Variants in NR1D2 observed in about 807,000 individuals in gnomAD.
NR1D2 encodes the protein V-erbA-related protein 1-related.
A neutral mutation model predicts 52.2 loss-of-function variants in NR1D2; 25 were observed. The observed-to-expected ratio is 0.48, with a 90% CI of 0.35 to 0.67. The LOEUF is 0.67. Ranked by LOEUF, NR1D2 falls within the 30% of genes least tolerant of loss-of-function variation. NR1D2 has a pLI of 0.01. For missense variants in NR1D2, 681 were observed against 707.2 expected (o/e 0.96, Z 0.42); for synonymous variants, 259 against 230.1 (o/e 1.13, Z -1.14).
At position 23,977,931 on chromosome 3, in the gene NR1D2, T is replaced by C. The variant is rs930209256; in HGVS notation, c.*512T>C. The C allele has an allele frequency of 6.6e-6, 1 of 152,252 alleles. No individual in the cohort carries two copies. The highest frequency in any genetic ancestry group is 1.5e-5 in the Non-Finnish European group (1 of 68,074). 9.4% of individuals were successfully genotyped at this position (152,252 alleles called of 1,614,324 possible). Reference sequence around the variant, plus strand: ...CTAAAGTGTGTGGTCCTGGGTAGTTTACTTGCTTGCGGAAAATGAGAATTG... The same window carrying C: ...CTAAAGTGTGTGGTCCTGGGTAGTTCACTTGCTTGCGGAAAATGAGAATTG... On this transcript the variant is annotated 3_prime_UTR_variant, in exon 8 of 8. Coordinates refer to ENST00000312521, the MANE Select transcript of NR1D2 (RefSeq NM_005126.5).
In NR1D2 at chr3:23,954,552, A is replaced by G. The variant is rs750368358; in HGVS notation, c.32A>G (p.Tyr11Cys). 26 of 1,613,972 alleles carry G rather than the reference A, an allele frequency of 1.6e-5. No individual in the cohort carries two copies. The highest frequency in any genetic ancestry group is 9.9e-5 in the South Asian group (9 of 91,074). ...TATTTTCTAGGAGGTGTGATTGCCT[A>G]TATCAGTTCTTCCAGCTCAGCCTCA... MEVNAGGVIA[Y>C]ISSSSSASSP... The change falls in exon 2 of 8, where the codon TAT (tyrosine) becomes TGT (cysteine). Residue 11 changes from tyrosine to cysteine, a missense_variant. Transcript: ENST00000312521.
rs753281759 is a variant in NR1D2, at chr3:23,977,280, G to A, written c.1601G>A (p.Arg534His). The change falls in exon 8 of 8, where the codon CGT becomes CAT. Residue 534 changes from arginine to histidine, a missense_variant. Physicochemically the swap from Arg to His is conservative, Grantham distance 29 (BLOSUM62 0). This residue lies in a region of NR1D2 where 475 missense variants were observed against 454.5 expected (regional missense o/e 1.05). Transcript: ENST00000312521. ...GAGGCTTTGCAGGAAACTCTCATTC[G>A]TGCACTAAGGACCTTAATAATGAAA... is the stretch of plus-strand genomic sequence containing the variant. Reference protein sequence around the residue: ...SVEALQETLIRALRTLIMKNH... With the variant: ...SVEALQETLIHALRTLIMKNH... 5.6e-6 allele frequency: 9 copies of A among 1,612,328 alleles called. No individual in the cohort carries two copies. The highest frequency in any genetic ancestry group is 2.5e-6 in the Non-Finnish European group (3 of 1,179,056).
intron 7 of NR1D2, among the ~76,000 whole-genome samples, chr3:23,971,528 C>G (rs961615628): frequency 6.6e-6 from 1 of 152,036 alleles, no homozygotes; most frequent in Non-Finnish European, 1.5e-5. Flanking sequence ...CTCGGCCTCC[C>G]AAAGTGTTGG....
chr3:23,945,495 G>C lies in NR1D2; in HGVS notation c.-84G>C. The C allele has an allele frequency of 3.4e-6, 3 of 873,586 alleles. No individual in the cohort carries two copies. The highest frequency in any genetic ancestry group is 4.3e-6 in the Non-Finnish European group (3 of 703,728). 54.1% of individuals were successfully genotyped at this position (873,586 alleles called of 1,614,324 possible). ...CGCGACCACCGCTGCTTCCAGCCCG[G>C]GGCGGCGCGGCGCTGAGGCGGCGGC... On this transcript the variant is annotated 5_prime_UTR_variant, in exon 1 of 8. Transcript: ENST00000312521.
chr3:23,974,952 G>A (rs1274509195), intron 7 of NR1D2, among the ~76,000 whole-genome samples: 1 of 151,670 alleles, frequency 6.6e-6, no homozygotes, highest in Non-Finnish European at 1.5e-5. Flanking sequence ...CCAAGTAGCT[G>A]GGATTACAGA....
At chr3:23,965,239 T>A in intron 6 of NR1D2, 77 bp downstream of exon 6, 3 of 910,864 alleles carry the variant, frequency 3.3e-6, no homozygotes, top group Non-Finnish European at 4.6e-6. Flanking sequence ...TTAATTCTTT[T>A]TTTTTTTTTT....
chr3:23,959,263 C>CA (rs5847262), intron 3 of NR1D2, among the ~76,000 whole-genome samples: 1,372 of 91,524 alleles, frequency 0.015, 13 homozygotes, highest in Non-Finnish European at 0.02. Context: ...GATCCTATCT[C>CA]AAAAAAAAAA....
chr3:23,952,547 TA>T (rs1159404936), intron 1 of NR1D2, among the ~76,000 whole-genome samples: 3 of 144,244 alleles, frequency 2.1e-5, no homozygotes, highest in Admixed American at 7.0e-5. Context: ...CTGTCTCTAC[TA>T]AAAAAAAAAC....
At chr3:23,973,369 C>G (rs1006593327) in intron 7 of NR1D2, among the ~76,000 whole-genome samples, 2 of 152,198 alleles carry the variant, frequency 1.3e-5, no homozygotes, top group Non-Finnish European at 2.9e-5. Flanking sequence ...TACTAGGGTA[C>G]AAACCTGTAC....
Position 23,967,947 on chromosome 3 carries a change from T to C in NR1D2, c.1467T>C (p.Phe489=), listed in dbSNP as rs756244089. Residue 489 remains phenylalanine (F), a synonymous_variant, in exon 7 of 8, where the codon TTT becomes TTC. Coordinates refer to ENST00000312521, the MANE Select transcript of NR1D2 (RefSeq NM_005126.5). The part of the protein sequence containing the change: ...AGDLLNSMFE[F]SEKLNALQLS... ...ATCTGCTAAACTCTATGTTTGAATT[T>C]AGTGAGAAGCTAAATGCCCTCCAAC... 6.2e-7 allele frequency: 1 copy of C among 1,614,180 alleles called. No homozygotes were observed. The highest frequency in any genetic ancestry group is 1.1e-5 in the South Asian group (1 of 91,088).
chr3:23,959,615 TAAG>T (rs1172845780), intron 3 of NR1D2, 53 bp from the exon 4 acceptor site: 16 of 1,556,812 alleles, frequency 1.0e-5, no homozygotes, highest in Non-Finnish European at 1.3e-5. Context: ...GCAGTGTTTA[TAAG>T]AAGTTCATTT....
In NR1D2 at chr3:23,963,511, G is replaced by A. The variant is rs556298576; in HGVS notation, c.1146+906G>A. ...GTTGCCCAGGCTGGAGTGCGGTGGC[G>A]CGACCTCAGCTCATTGCAACCTCCA... On this transcript the variant is annotated intron_variant, in intron 5 of 7. Coordinates refer to ENST00000312521, the MANE Select transcript of NR1D2 (RefSeq NM_005126.5). 3.9e-5 allele frequency: 20 copies of A among 507,054 alleles called. No homozygotes were observed. In the South Asian group the frequency reaches 4.3e-4, roughly 11 times the overall value. 31.4% of individuals were successfully genotyped at this position (507,054 alleles called of 1,614,324 possible). A position where few individuals can be genotyped will look rare whatever the true frequency, so the allele number is the denominator to read the frequency against.
chr3:23,968,727 G>T (rs1431196207), intron 7 of NR1D2, among the ~76,000 whole-genome samples: 1 of 152,138 alleles, frequency 6.6e-6, no homozygotes, highest in African/African-American at 2.4e-5. Flanking sequence ...AGTTATTTCT[G>T]ACAGTACCCA....
rs567547092 is a variant in NR1D2 at position 23,963,396 on chromosome 3, T to C, written c.1146+791T>C. 3.0e-5 allele frequency: 37 copies of C among 1,249,542 alleles called. No individual in the cohort carries two copies. The South Asian group carries it at 5.1e-4, about 17-fold the overall frequency. 77.4% of individuals were successfully genotyped at this position (1,249,542 alleles called of 1,614,324 possible). A position where few individuals can be genotyped will look rare whatever the true frequency, so the allele number is the denominator to read the frequency against. ...CTACCTCAATCTTCATTAAAATTTTTGTTGTCACTTGGAGTTATTTGATTC... is the reference window on the plus strand; with the variant it reads ...CTACCTCAATCTTCATTAAAATTTTCGTTGTCACTTGGAGTTATTTGATTC... On this transcript the variant is annotated intron_variant, in intron 5 of 7. Transcript: ENST00000312521.
chr3:23,976,690 G>T (rs766316448), intron 7 of NR1D2, among the ~76,000 whole-genome samples: 1 of 152,156 alleles, frequency 6.6e-6, no homozygotes, highest in Non-Finnish European at 1.5e-5. Flanking sequence ...TCTCAGAACG[G>T]ACATCCTATC....
At chr3:23,959,527 C>A in intron 3 of NR1D2, 144 bp from the exon 4 acceptor site, 1 of 696,324 alleles carries the variant, frequency 1.4e-6, no homozygotes. Flanking sequence ...TTCCCTCTGT[C>A]CTAAGACATA....
chr3:23,978,129 C>T lies in NR1D2; in HGVS notation c.*710C>T, dbSNP rs1706784308. 2 of 152,274 alleles carry T rather than the reference C, an allele frequency of 1.3e-5. No individual in the cohort carries two copies. Among genetic ancestry groups the T allele is most frequent in the Admixed American group, 6.5e-5 (1 of 15,290 alleles). The allele number at this position is 152,274 out of a possible 1,614,324, so 9.4% of individuals were successfully genotyped here. ...CTTTCTGGGAAATCATTTCAGTCCACACCAACCATATTATTCAGGGTTCCT... is the reference window on the plus strand; with the variant it reads ...CTTTCTGGGAAATCATTTCAGTCCATACCAACCATATTATTCAGGGTTCCT... On this transcript the variant is annotated 3_prime_UTR_variant, in exon 8 of 8. Coordinates refer to ENST00000312521, the MANE Select transcript of NR1D2 (RefSeq NM_005126.5).
chr3:23,948,202 C>T (rs1705821052), intron 1 of NR1D2, among the ~76,000 whole-genome samples: 1 of 152,154 alleles, frequency 6.6e-6, no homozygotes, highest in Admixed American at 6.5e-5. Flanking sequence ...TGTGGCACAC[C>T]TCTACCCTTC....
chr3:23,963,239 C>T (rs1223096434), intron 5 of NR1D2: 1 of 1,349,866 alleles, frequency 7.4e-7, no homozygotes. Flanking sequence ...TGTTCATATT[C>T]AGCCAAAATT....
Sources: gnomAD v4.1 joint callset for allele counts (sites outside exome capture counted in the v4.1 genomes callset) on GRCh38, gnomAD v4.1.1 for gene constraint, gnomAD v4.1.1 regional missense constraint, MANE v1.5 for transcripts, NCBI Gene and HGNC (gene_info 2026-07-23, HGNC 2026-07-21) for gene names.